The following SORBS2 variants were observed in gnomAD, a reference collection of about 807,000 sequenced individuals.
SORBS2 encodes sorbin and SH3 domain-containing protein 2.
Under a neutral mutation model 97.7 loss-of-function variants are expected in SORBS2, and 46 were observed. The ratio of observed to expected loss-of-function variants is 0.47; its 90% CI spans 0.37 to 0.60. The LOEUF (loss-of-function observed/expected upper bound fraction) is 0.60, where lower values mean the gene tolerates loss of function less well. Among genes scored for constraint, SORBS2 ranks in the 20% least tolerant of loss-of-function variants. The probability of loss-of-function intolerance (pLI) is 0.00; values close to 1 mark genes in which losing one functional copy is unlikely to be tolerated. For missense variants in SORBS2, 1,316 were observed against 1,282.3 expected (o/e 1.03, Z -0.40); for synonymous variants, 476 against 473.4 (o/e 1.01, Z -0.07).
intron 1 of SORBS2, among the ~76,000 whole-genome samples, chr4:185,935,260 G>T (rs1325103318): frequency 6.6e-6 from 1 of 152,146 alleles, no homozygotes; most frequent in Non-Finnish European, 1.5e-5. Flanking sequence ...ATTTCCACAA[G>T]CTTCTGTCCC....
intron 1 of SORBS2, among the ~76,000 whole-genome samples, chr4:185,875,036 A>G (rs1202074953): frequency 6.6e-6 from 1 of 152,150 alleles, no homozygotes; most frequent in Non-Finnish European, 1.5e-5. Flanking sequence ...TGAGGCAGTC[A>G]TTTGGAAATT....
chr4:185,692,232 G>C (rs1187078549), intron 2 of SORBS2, among the ~76,000 whole-genome samples: 1 of 152,148 alleles, frequency 6.6e-6, no homozygotes, highest in Non-Finnish European at 1.5e-5. Flanking sequence ...GAGTGGGCCT[G>C]TTGTTGAGTA....
At chr4:185,689,363 G>A (rs1421177758) in intron 2 of SORBS2, among the ~76,000 whole-genome samples, 4 of 152,148 alleles carry the variant, frequency 2.6e-5, no homozygotes, top group Non-Finnish European at 5.9e-5. Context: ...CCAGCTGTGG[G>A]CTCTACATTC....
chr4:185,936,234 T>C (rs10002339), intron 1 of SORBS2, among the ~76,000 whole-genome samples: 116,760 of 152,144 alleles, frequency 0.77, 44,877 homozygotes, highest in Middle Eastern at 0.87. Context: ...GAGAAGTAAA[T>C]ATAAAGCCTT....
At chr4:185,757,130 AG>A in intron 2 of SORBS2, 1 of 472,698 alleles carries the variant, frequency 2.1e-6, no homozygotes, top group South Asian at 2.2e-5. Context: ...TGTCCACTGT[AG>A]GGGTTCCTGG....
At chr4:185,818,128 A>G (rs2099194426) in intron 1 of SORBS2, among the ~76,000 whole-genome samples, 1 of 152,230 alleles carries the variant, frequency 6.6e-6, no homozygotes, top group South Asian at 2.1e-4. Context: ...TGGGAGCTAT[A>G]ACCCAGAATG....
At chr4:185,826,405 C>T (rs1183455896) in intron 1 of SORBS2, among the ~76,000 whole-genome samples, 1 of 152,212 alleles carries the variant, frequency 6.6e-6, no homozygotes, top group South Asian at 2.1e-4. Flanking sequence ...CAGAGCCTAT[C>T]AGCATGTCAT....
intron 1 of SORBS2, among the ~76,000 whole-genome samples, chr4:185,884,048 G>T (rs775574070): frequency 5.3e-5 from 8 of 152,130 alleles, no homozygotes; most frequent in Non-Finnish European, 1.2e-4. Flanking sequence ...GAGGAAGAAG[G>T]TTCAAGGTAC....
At chr4:185,816,045 T>C (rs1195187176) in intron 1 of SORBS2, among the ~76,000 whole-genome samples, 2 of 152,352 alleles carry the variant, frequency 1.3e-5, no homozygotes, top group South Asian at 2.1e-4. Flanking sequence ...TTACTACCAT[T>C]ACTGTTACTC....
intron 2 of SORBS2, 121 bp downstream of exon 10, chr4:185,652,541 G>T: frequency 3.8e-6 from 3 of 779,410 alleles, no homozygotes; most frequent in Non-Finnish European, 6.8e-6. Flanking sequence ...ATGCTGAAAA[G>T]AAAGGGGACA....
chr4:185,741,393 C>CTTTTTTTTTTTTTTT (rs1210677956), intron 2 of SORBS2, among the ~76,000 whole-genome samples: 1 of 119,560 alleles, frequency 8.4e-6, no homozygotes, highest in Non-Finnish European at 1.7e-5. Context: ...TCTTTCTTTT[C>CTTTTTTTTTTTTTTT]TTTTTTTTTT....
intron 1 of SORBS2, among the ~76,000 whole-genome samples, chr4:185,653,460 A>C (rs1171680262): frequency 1.3e-5 from 2 of 152,184 alleles, no homozygotes; most frequent in African/African-American, 4.8e-5. Context: ...ACTAAGATTC[A>C]AATCTTGGTT....
intron 1 of SORBS2, among the ~76,000 whole-genome samples, chr4:185,915,332 C>T (rs1197476506): frequency 1.3e-5 from 2 of 152,214 alleles, no homozygotes; most frequent in Non-Finnish European, 2.9e-5. Flanking sequence ...CATGTTTCCT[C>T]TAATGCCTTG....
chr4:185,902,881 C>A (rs1448629941), intron 1 of SORBS2, among the ~76,000 whole-genome samples: 1 of 152,140 alleles, frequency 6.6e-6, no homozygotes, highest in Admixed American at 6.5e-5. Context: ...GATGTTAATT[C>A]TATGGCAAAG....
chr4:185,763,989 A>G (rs538424498), intron 2 of SORBS2, among the ~76,000 whole-genome samples: 6 of 152,338 alleles, frequency 3.9e-5, no homozygotes, highest in Non-Finnish European at 8.8e-5. Flanking sequence ...TTCCAATAAC[A>G]TTAAGGAAGT....
chr4:185,609,772 A>T (rs6552895), intron 12 of SORBS2, among the ~76,000 whole-genome samples: 95,973 of 152,086 alleles, frequency 0.63, 30,968 homozygotes, highest in African/African-American at 0.76. Context: ...CTCTGTTTGT[A>T]AATATCAGTT....
intron 4 of SORBS2, among the ~76,000 whole-genome samples, chr4:185,642,092 G>A (rs1273567965): frequency 6.6e-6 from 1 of 151,960 alleles, no homozygotes; most frequent in Non-Finnish European, 1.5e-5. Flanking sequence ...TGACTACCGT[G>A]TTTTATATTT....
chr4:185,937,806 G>A (rs968597876), intron 1 of SORBS2, among the ~76,000 whole-genome samples: 10 of 152,174 alleles, frequency 6.6e-5, no homozygotes, highest in Non-Finnish European at 1.5e-4. Context: ...CCCCACAGGT[G>A]CTGTGCTGTG....
chr4:185,861,184 A>G (rs1341766709), intron 1 of SORBS2, among the ~76,000 whole-genome samples: 1 of 151,990 alleles, frequency 6.6e-6, no homozygotes, highest in African/African-American at 2.4e-5. Flanking sequence ...CCTGAACTCC[A>G]AAGGTAGGAG....
Sources: gnomAD v4.1 joint callset for allele counts (sites outside exome capture counted in the v4.1 genomes callset) on GRCh38, gnomAD v4.1.1 for gene constraint, MANE v1.5 for transcripts, NCBI Gene and HGNC (gene_info 2026-07-23, HGNC 2026-07-21) for gene names.